The following CTNNA3 variants were observed in gnomAD, a reference collection of about 807,000 sequenced individuals.
CTNNA3 encodes catenin alpha 3.
Under a neutral mutation model 95.7 loss-of-function variants are expected in CTNNA3, and 76 were observed. The observed-to-expected ratio is 0.79, with a 90% CI of 0.66 to 0.96. The LOEUF is 0.96. Ranked by LOEUF, CTNNA3 falls within the 40% of genes least tolerant of loss-of-function variation. The pLI, the probability that CTNNA3 is intolerant of heterozygous loss-of-function variation, is 0.00. For missense variants in CTNNA3, 1,191 were observed against 1,089.8 expected, an observed-to-expected ratio of 1.09 and a Z score of -1.31; for synonymous variants, 431 against 374.4, an observed-to-expected ratio of 1.15 and a Z score of -1.74.
intron 7 of CTNNA3, among the ~76,000 whole-genome samples, chr10:66,896,079 A>G (rs1193756113): frequency 1.3e-5 from 2 of 152,116 alleles, no homozygotes; most frequent in African/African-American, 4.8e-5. Context: ...CCTGGGCAAC[A>G]AGAGTTAAAC....
At chr10:66,654,999 T>C (rs1402252210) in intron 9 of CTNNA3, among the ~76,000 whole-genome samples, 1 of 152,074 alleles carries the variant, frequency 6.6e-6, no homozygotes, top group Admixed American at 6.5e-5. Context: ...CTGGATAAGA[T>C]GAACATGTTC....
chr10:66,197,898 A>G (rs1027968353), intron 13 of CTNNA3, among the ~76,000 whole-genome samples: 1 of 152,176 alleles, frequency 6.6e-6, no homozygotes, highest in Non-Finnish European at 1.5e-5. Context: ...CAATTCAGAG[A>G]TGATAGGAAG....
intron 7 of CTNNA3, among the ~76,000 whole-genome samples, chr10:67,085,824 T>C (rs534880500): frequency 2.0e-5 from 3 of 152,164 alleles, no homozygotes; most frequent in East Asian, 1.9e-4. Context: ...TTATTCTCTA[T>C]TGAATTTACA....
intron 7 of CTNNA3, among the ~76,000 whole-genome samples, chr10:67,016,638 A>C (rs1202308740): frequency 6.6e-6 from 1 of 152,176 alleles, no homozygotes; most frequent in South Asian, 2.1e-4. Context: ...TTAATCAAAA[A>C]CTACCAAATA....
intron 7 of CTNNA3, among the ~76,000 whole-genome samples, chr10:67,088,014 C>T (rs1019423607): frequency 6.6e-6 from 1 of 151,666 alleles, no homozygotes; most frequent in African/African-American, 2.4e-5. Flanking sequence ...AAGACATAAT[C>T]TAAAAACAGA....
chr10:65,958,288 A>AT (rs555536364), intron 17 of CTNNA3, among the ~76,000 whole-genome samples: 36 of 151,678 alleles, frequency 2.4e-4, no homozygotes, highest in African/African-American at 6.5e-4. Context: ...CATTCGTCAA[A>AT]TTTTTTTTCA....
At chr10:66,335,307 T>A (rs1385483909) in intron 12 of CTNNA3, among the ~76,000 whole-genome samples, 1 of 152,154 alleles carries the variant, frequency 6.6e-6, no homozygotes, top group Non-Finnish European at 1.5e-5. Context: ...AGAGGCACTC[T>A]GATTTTTAGT....
intron 12 of CTNNA3, among the ~76,000 whole-genome samples, chr10:66,307,314 T>C (rs2091948365): frequency 6.6e-6 from 1 of 152,204 alleles, no homozygotes; most frequent in South Asian, 2.1e-4. Context: ...AAAATAAGTT[T>C]TATCATTATA....
In CTNNA3 at chr10:67,204,586, A is replaced by ATT. The variant is rs1351760059; in HGVS notation, c.843+15020_843+15021insAA. 7.6e-4 allele frequency among the ~76,000 whole-genome samples: 116 copies of ATT among 152,292 alleles called. 1 individual carries two copies. Among genetic ancestry groups the ATT allele is most frequent in the African/African-American group, 2.7e-3 (112 of 41,562 alleles). The stretch of plus-strand genomic sequence containing the variant: ...CAAGAACAGACTAATACAGCTACTA[A>ATT]TAAGAAAGCTGAATTTATGGGATCT... On this transcript the variant is annotated intron_variant, in intron 6 of 17. Coordinates refer to ENST00000433211, the MANE Select transcript of CTNNA3 (RefSeq NM_013266.4).
At chr10:66,998,706 T>C (rs746958219) in intron 7 of CTNNA3, among the ~76,000 whole-genome samples, 1 of 152,118 alleles carries the variant, frequency 6.6e-6, no homozygotes, top group Non-Finnish European at 1.5e-5. Flanking sequence ...GTCCAGAATA[T>C]ACAAAGTAAA....
At chr10:66,948,037 G>A (rs1006719734) in intron 7 of CTNNA3, among the ~76,000 whole-genome samples, 16 of 152,284 alleles carry the variant, frequency 1.1e-4, no homozygotes, top group South Asian at 2.1e-4. Flanking sequence ...GTAACACAAT[G>A]GTATTTGTGT....
intron 7 of CTNNA3, among the ~76,000 whole-genome samples, chr10:67,178,157 C>A (rs1862333453): frequency 1.3e-5 from 2 of 152,112 alleles, no homozygotes; most frequent in Admixed American, 1.3e-4. Flanking sequence ...TTACTGCCAC[C>A]CTTTATTCCT....
rs929442099 is a variant in CTNNA3 at position 66,206,641 on chromosome 10, A to G, written c.1884+73829T>C. Reference sequence around the variant, plus strand: ...TTATATAATTTTAACATAAACATATATAACCCATATATTAATTAATTTGCA... The same window carrying G: ...TTATATAATTTTAACATAAACATATGTAACCCATATATTAATTAATTTGCA... On this transcript the variant is annotated intron_variant, in intron 13 of 17. Coordinates refer to ENST00000433211, the MANE Select transcript of CTNNA3 (RefSeq NM_013266.4). Among the ~76,000 whole-genome samples the G allele has an allele frequency of 5.3e-5, 8 of 151,992 alleles. No homozygotes were observed. In the South Asian group the frequency reaches 8.3e-4, roughly 16 times the overall value.
intron 11 of CTNNA3, among the ~76,000 whole-genome samples, chr10:66,447,021 T>A (rs937412795): frequency 6.6e-6 from 1 of 151,650 alleles, no homozygotes; most frequent in Non-Finnish European, 1.5e-5. Context: ...AGCATTCTTA[T>A]ACACCAATAA....
intron 7 of CTNNA3, among the ~76,000 whole-genome samples, chr10:67,011,483 C>T (rs1420602225): frequency 6.6e-6 from 1 of 152,080 alleles, no homozygotes; most frequent in East Asian, 1.9e-4. Flanking sequence ...AAGTGCTTTA[C>T]AGTGCTGCAT....
At chr10:66,729,890 G>A (rs1848901112) in intron 9 of CTNNA3, among the ~76,000 whole-genome samples, 1 of 151,456 alleles carries the variant, frequency 6.6e-6, no homozygotes, top group African/African-American at 2.4e-5. Flanking sequence ...GGATCACGAG[G>A]TCAGGAGATC....
chr10:66,774,668 T>C (rs1026678860), intron 8 of CTNNA3, among the ~76,000 whole-genome samples: 2 of 152,242 alleles, frequency 1.3e-5, no homozygotes, highest in South Asian at 2.1e-4. Flanking sequence ...TAAAAGTTCA[T>C]AGTTGAAAAG....
intron 11 of CTNNA3, among the ~76,000 whole-genome samples, chr10:66,515,548 T>C (rs1840819152): frequency 6.6e-6 from 1 of 152,022 alleles, no homozygotes; most frequent in Non-Finnish European, 1.5e-5. Context: ...TAAAAGATCA[T>C]TGTATTAGTC....
At chr10:66,104,629 A>T (rs1398805027) in intron 13 of CTNNA3, among the ~76,000 whole-genome samples, 2 of 152,144 alleles carry the variant, frequency 1.3e-5, no homozygotes, top group East Asian at 3.9e-4. Context: ...TCCAATGTCC[A>T]TTATTCCACT....
Sources: allele counts gnomAD v4.1 joint callset (sites outside exome capture counted in the v4.1 genomes callset), GRCh38; gene constraint gnomAD v4.1.1; transcripts MANE v1.5; gene names NCBI Gene and HGNC (gene_info 2026-07-23, HGNC 2026-07-21).